The following JMY variants were observed in gnomAD, a reference collection of about 807,000 sequenced individuals.
JMY encodes junction mediating and regulatory protein, p53 cofactor, also known as junction-mediating and -regulatory protein.
JMY carries 46 observed loss-of-function variants against 103.3 expected under a neutral mutation model. The ratio of observed to expected loss-of-function variants is 0.45; its 90% CI spans 0.35 to 0.57. The LOEUF is 0.57. JMY is among the 20% of genes least tolerant of loss of function. The pLI is 0.00. For synonymous variants in JMY, 526 were observed against 489.3 expected, an observed-to-expected ratio of 1.07 and a Z score of -0.99; for missense variants, 1,238 against 1,255.2, an observed-to-expected ratio of 0.99 and a Z score of 0.21.
At chr5:79,266,156 A>C (rs1305653023) in intron 1 of JMY, among the ~76,000 whole-genome samples, 1 of 152,152 alleles carries the variant, frequency 6.6e-6, no homozygotes, top group Non-Finnish European at 1.5e-5. Context: ...TCTTATTTGC[A>C]AGGTATTTGC....
intron 1 of JMY, among the ~76,000 whole-genome samples, chr5:79,259,385 C>T (rs2591389): frequency 0.28 from 43,238 of 152,004 alleles, 7,440 homozygotes; most frequent in South Asian, 0.45. Flanking sequence ...CAAACATGGG[C>T]GGGCCTGGAA....
intron 4 of JMY, among the ~76,000 whole-genome samples, chr5:79,297,894 ACTTC>A (rs1459052838): frequency 2.6e-5 from 4 of 152,096 alleles, no homozygotes; most frequent in Non-Finnish European, 5.9e-5. Flanking sequence ...GAGAATACCT[ACTTC>A]CTTTCTCAGT....
At position 79,326,698 on chromosome 5, in the gene JMY, C is replaced by T. The variant is rs1010190690; in HGVS notation, c.*5096C>T. ...CTAAGGAGACTGACATGATTTTTAT[C>T]GGTTCTGGGTAAATGAAAATTTTAA... On this transcript the variant is annotated 3_prime_UTR_variant, in exon 11 of 11. Transcript: ENST00000396137. The T allele has an allele frequency of 6.6e-6, 1 of 152,120 alleles. No individual in the cohort carries two copies. Among genetic ancestry groups the T allele is most frequent in the African/African-American group, 2.4e-5 (1 of 41,438 alleles). The allele number at this position is 152,120 out of a possible 1,614,324, so 9.4% of individuals were successfully genotyped here.
Position 79,319,580 on chromosome 5 carries a change from CTCTT to C in JMY, c.*4-2024_*4-2021del, listed in dbSNP as rs1747371306. On this transcript the variant is annotated intron_variant, in intron 10 of 10. Coordinates refer to ENST00000396137, the MANE Select transcript of JMY (RefSeq NM_152405.5). The stretch of plus-strand genomic sequence containing the variant: ...TTAGATTCCTTTTTTTTTTCTCTCT[CTCTT>C]TTTTTCTTTTCTTCAAGACTGAGTT... Among the ~76,000 whole-genome samples, 10 of 148,236 alleles carry C rather than the reference CTCTT, an allele frequency of 6.7e-5. No homozygotes were observed. In the East Asian group the frequency reaches 9.9e-4, roughly 15 times the overall value.
chr5:79,247,015 G>T (rs898241716), intron 1 of JMY, among the ~76,000 whole-genome samples: 1 of 152,138 alleles, frequency 6.6e-6, no homozygotes, highest in Non-Finnish European at 1.5e-5. Context: ...TAGAGAATTG[G>T]TAAATTTGCC....
chr5:79,315,245 T>A (rs1580374388), intron 9 of JMY, among the ~76,000 whole-genome samples: 1 of 152,242 alleles, frequency 6.6e-6, no homozygotes, highest in Non-Finnish European at 1.5e-5. Flanking sequence ...GTAACATTTG[T>A]TCATACATTT....
intron 7 of JMY, among the ~76,000 whole-genome samples, chr5:79,307,334 A>G (rs989890834): frequency 6.6e-6 from 1 of 152,254 alleles, no homozygotes; most frequent in Non-Finnish European, 1.5e-5. Flanking sequence ...ACTGTCTTCC[A>G]TAGTGGCTGT....
intron 1 of JMY, among the ~76,000 whole-genome samples, chr5:79,258,811 A>G (rs905195612): frequency 1.7e-4 from 26 of 152,194 alleles, no homozygotes; most frequent in Admixed American, 1.5e-3. Context: ...TGGGCTCCCC[A>G]GAGGGCCACA....
intron 6 of JMY, among the ~76,000 whole-genome samples, chr5:79,305,759 G>A (rs185584387): frequency 2.8e-3 from 433 of 152,126 alleles, no homozygotes; most frequent in Admixed American, 6.4e-3. Flanking sequence ...TTATGTCTGC[G>A]ACCAAAAGAT....
intron 2 of JMY, among the ~76,000 whole-genome samples, chr5:79,281,616 T>C (rs1026103798): frequency 1.1e-4 from 17 of 152,112 alleles, no homozygotes; most frequent in Admixed American, 7.2e-4. Flanking sequence ...GGACACAGCA[T>C]GGGTAAATCT....
At chr5:79,310,094 C>T (rs973320246) in intron 7 of JMY, among the ~76,000 whole-genome samples, 3 of 101,956 alleles carry the variant, frequency 2.9e-5, no homozygotes, top group Non-Finnish European at 5.3e-5. Flanking sequence ...GAGATGGAGT[C>T]TTACTCTACC....
chr5:79,316,361 C>T (rs1747220020), intron 10 of JMY, 51 bp downstream of exon 10: 9 of 1,386,554 alleles, frequency 6.5e-6, no homozygotes, highest in East Asian at 2.5e-5. Flanking sequence ...GGTTTTATAT[C>T]GGATGATGAG....
intron 1 of JMY, among the ~76,000 whole-genome samples, chr5:79,241,412 A>C (rs1453637115): frequency 6.6e-6 from 1 of 152,242 alleles, no homozygotes; most frequent in African/African-American, 2.4e-5. Flanking sequence ...GTTGTAAGTA[A>C]AATTTTTATA....
chr5:79,275,390 T>C (rs1335040613), intron 1 of JMY, among the ~76,000 whole-genome samples: 1 of 152,136 alleles, frequency 6.6e-6, no homozygotes, highest in African/African-American at 2.4e-5. Context: ...GTCGATCTCC[T>C]GACCTCGTGA....
At chr5:79,297,069 C>T (rs1580362173) in intron 4 of JMY, among the ~76,000 whole-genome samples, 2 of 152,158 alleles carry the variant, frequency 1.3e-5, no homozygotes. Context: ...TCTTTTTGGG[C>T]TGGTAATCCC....
At chr5:79,244,937 A>G (rs1318622420) in intron 1 of JMY, among the ~76,000 whole-genome samples, 4 of 151,748 alleles carry the variant, frequency 2.6e-5, no homozygotes, top group East Asian at 1.9e-4. Flanking sequence ...TATCTAAGTT[A>G]TTAAACTGCA....
At chr5:79,291,075 G>C in intron 3 of JMY, 55 bp from the exon 4 acceptor site, 1 of 1,210,552 alleles carries the variant, frequency 8.3e-7, no homozygotes, top group Non-Finnish European at 1.1e-6. Context: ...TTTTTCAAAT[G>C]CTTCAGTATT....
chr5:79,317,703 C>CT (rs1282972341), intron 10 of JMY, among the ~76,000 whole-genome samples: 1 of 152,024 alleles, frequency 6.6e-6, no homozygotes, highest in Non-Finnish European at 1.5e-5. Context: ...TGTTGAATTT[C>CT]TTTTTTTATT....
rs188140512 is a variant in JMY, at chr5:79,322,473, C to G, written c.*871C>G. The G allele has an allele frequency of 6.6e-6, 1 of 152,260 alleles. No homozygotes were observed. Among genetic ancestry groups the G allele is most frequent in the African/African-American group, 2.4e-5 (1 of 41,564 alleles). 9.4% of individuals were successfully genotyped at this position (152,260 alleles called of 1,614,324 possible). ...CTATTGAGAATCAAAAATCAAGATT[C>G]AATCATAGGGATGCAGATCTTAACT... On this transcript the variant is annotated 3_prime_UTR_variant, in exon 11 of 11. Coordinates refer to ENST00000396137, the MANE Select transcript of JMY (RefSeq NM_152405.5).
Sources: gnomAD v4.1 joint callset for allele counts (sites outside exome capture counted in the v4.1 genomes callset) on GRCh38, gnomAD v4.1.1 for gene constraint, MANE v1.5 for transcripts, NCBI Gene and HGNC (gene_info 2026-07-23, HGNC 2026-07-21) for gene names.